ZNF736: variants seen among roughly 807,000 people sequenced by gnomAD.
ZNF736 encodes the protein zinc finger protein 736, also known as KRAB-containing zinc-finger repressor protein.
ZNF736 carries 6 observed loss-of-function variants against 11.7 expected under a neutral mutation model. The observed-to-expected ratio is 0.51, with a 90% confidence interval of 0.28 to 1.01. The LOEUF is 1.01. ZNF736 is among the 50% of genes least tolerant of loss of function. The pLI, the probability that ZNF736 is intolerant of heterozygous loss-of-function variation, is 0.09. For synonymous variants in ZNF736, 139 were observed against 164.7 expected, an observed-to-expected ratio of 0.84 and a Z score of 1.19; for missense variants, 444 against 496.0, an observed-to-expected ratio of 0.90 and a Z score of 1.00.
At position 64,348,213 on chromosome 7, in the gene ZNF736, A is replaced by C. The variant is rs1379330306; in HGVS notation, c.350A>C (p.Tyr117Ser). Reference sequence around the variant, plus strand: ...AATAATTTACATTTAAAGAAAGACTACCAAAGTGTGGGTAATTGCAAGGGG... The same window carrying C: ...AATAATTTACATTTAAAGAAAGACTCCCAAAGTGTGGGTAATTGCAAGGGG... ...DLNNLHLKKDYQSVGNCKGQK... is the reference protein window; with the variant it reads ...DLNNLHLKKDSQSVGNCKGQK... Residue 117 changes from tyrosine (Y) to serine (S), a missense_variant, in exon 4 of 4, where the codon TAC becomes TCC. Coordinates refer to ENST00000423484, the MANE Select transcript of ZNF736 (RefSeq NM_001170905.3). The C allele has an allele frequency of 6.4e-7, 1 of 1,551,846 alleles. No individual in the cohort carries two copies. The highest frequency in any genetic ancestry group is 2.4e-5 in the East Asian group (1 of 40,900).
At chr7:64,316,952 C>T (rs1253024410) in intron 1 of ZNF736, among the ~76,000 whole-genome samples, 1 of 152,166 alleles carries the variant, frequency 6.6e-6, no homozygotes, top group African/African-American at 2.4e-5. Context: ...ATGTCTCTCT[C>T]ATGATGCCTG....
At chr7:64,330,024 G>T (rs993121048) in intron 1 of ZNF736, among the ~76,000 whole-genome samples, 11 of 152,040 alleles carry the variant, frequency 7.2e-5, no homozygotes, top group Non-Finnish European at 1.3e-4. Flanking sequence ...CACTCCCCAT[G>T]GCCACCACCA....
At chr7:64,314,187 G>A (rs1788878299) in intron 1 of ZNF736, 34 bp downstream of exon 1, 2 of 1,551,428 alleles carry the variant, frequency 1.3e-6, no homozygotes, top group East Asian at 2.4e-5. Flanking sequence ...CGAGAATGGG[G>A]AAGAGGCTGT....
Position 64,348,439 on chromosome 7 carries a change from G to A in ZNF736, c.576G>A (p.Lys192=). 6.5e-7 allele frequency: 1 copy of A among 1,549,074 alleles called. No homozygotes were observed. The highest frequency in any genetic ancestry group is 8.7e-7 in the Non-Finnish European group (1 of 1,146,152). Reference sequence around the variant, plus strand: ...TGTTCTCAGATTTTACTAGACATAAGAAAATTCATACTGTAGAGAGATGCT... The same window carrying A: ...TGTTCTCAGATTTTACTAGACATAAAAAAATTCATACTGTAGAGAGATGCT... ...CRLFSDFTRH[K]KIHTVERCYK... The change falls in exon 4 of 4, where the codon AAG becomes AAA. Residue 192 remains lysine (K), a synonymous_variant. Transcript: ENST00000423484.
At chr7:64,318,307 C>T (rs1293303665) in intron 1 of ZNF736, among the ~76,000 whole-genome samples, 2 of 151,920 alleles carry the variant, frequency 1.3e-5, no homozygotes, top group African/African-American at 2.4e-5. Context: ...GAATAGCCAT[C>T]ATTTAATGTA....
At chr7:64,317,289 G>A (rs1788931348) in intron 1 of ZNF736, among the ~76,000 whole-genome samples, 1 of 152,058 alleles carries the variant, frequency 6.6e-6, no homozygotes, top group Admixed American at 6.5e-5. Flanking sequence ...TTTTTTCTAA[G>A]CTTATAAAAA....
chr7:64,350,803 G>GTTTTGTTTTGTT lies in ZNF736; in HGVS notation c.*1657_*1658insTTTGTTTTGTTT, dbSNP rs140828506. 5 of 151,024 alleles carry GTTTTGTTTTGTT rather than the reference G, an allele frequency of 3.3e-5. No homozygotes were observed. Among genetic ancestry groups the GTTTTGTTTTGTT allele is most frequent in the South Asian group, 2.1e-4 (1 of 4,772 alleles). The allele number at this position is 151,024 out of a possible 1,614,324, so 9.4% of individuals were successfully genotyped here. ...GTTTTGTTTTGTTTTGTTTTGTTTG[G>GTTTTGTTTTGTT]TGGTGGTGGTGGGTGGGCAATGCTC... On this transcript the variant is annotated 3_prime_UTR_variant, in exon 4 of 4. Coordinates refer to ENST00000423484, the MANE Select transcript of ZNF736 (RefSeq NM_001170905.3).
In ZNF736 at chr7:64,355,766, CAT is replaced by C. The variant is rs879583143; in HGVS notation, c.*6622_*6623del. The C allele has an allele frequency of 6.3e-6, 1 of 157,612 alleles. No homozygotes were observed. Among genetic ancestry groups the C allele is most frequent in the Non-Finnish European group, 1.4e-5 (1 of 70,452 alleles). 9.8% of individuals were successfully genotyped at this position (157,612 alleles called of 1,614,324 possible). A position where few individuals can be genotyped will look rare whatever the true frequency, so the allele number is the denominator to read the frequency against. On this transcript the variant is annotated 3_prime_UTR_variant, in exon 4 of 4. Coordinates refer to ENST00000423484, the MANE Select transcript of ZNF736 (RefSeq NM_001170905.3). ...TGTGTGATGGAAGAACAAAACCAAA[CAT>C]ATGTTATAACCCAAGGAGATTTTAT...
In ZNF736 at chr7:64,337,755, G is replaced by T. The variant is rs200739683; in HGVS notation, c.226+773G>T. 7.0e-3 allele frequency among the ~76,000 whole-genome samples: 601 copies of T among 86,120 alleles called. 4 individuals are homozygous for T. Among genetic ancestry groups the T allele is most frequent in the African/African-American group, 0.028 (434 of 15,450 alleles). 56.5% of individuals were successfully genotyped at this position (86,120 alleles called of 152,430 possible). Reference sequence around the variant, plus strand: ...TGTTTTGTTTTGTTTTGTTTTTTTTGGTTTTTTTTTTTTTTTGAGACAGAG... The same window carrying T: ...TGTTTTGTTTTGTTTTGTTTTTTTTTGTTTTTTTTTTTTTTTGAGACAGAG... On this transcript the variant is annotated intron_variant, in intron 3 of 3. Transcript: ENST00000423484.
At chr7:64,345,836 T>C (rs2115961801) in intron 3 of ZNF736, among the ~76,000 whole-genome samples, 1 of 151,904 alleles carries the variant, frequency 6.6e-6, no homozygotes, top group Middle Eastern at 3.4e-3. Context: ...ATTTGGACCA[T>C]AAATAATTGT....
At chr7:64,345,111 C>T (rs908597608) in intron 3 of ZNF736, among the ~76,000 whole-genome samples, 1 of 151,616 alleles carries the variant, frequency 6.6e-6, no homozygotes, top group African/African-American at 2.4e-5. Context: ...GCAAGCTCTG[C>T]CTCCCTGGTT....
At chr7:64,316,618 CATTTGTGTTCCAGTCAGCACT>C (rs2115860298) in intron 1 of ZNF736, among the ~76,000 whole-genome samples, 1 of 152,300 alleles carries the variant, frequency 6.6e-6, no homozygotes, top group East Asian at 1.9e-4. Flanking sequence ...GAGTCTAAAA[CATTTGTGTTCCAGTCAGCACT>C]ACTTCTCCCT....
intron 1 of ZNF736, among the ~76,000 whole-genome samples, chr7:64,320,176 G>A (rs1283540316): frequency 5.9e-5 from 9 of 152,166 alleles, no homozygotes; most frequent in Non-Finnish European, 1.3e-4. Flanking sequence ...CAAAAAAATT[G>A]TAGCTCTTCT....
chr7:64,318,219 A>G (rs59375931), intron 1 of ZNF736, among the ~76,000 whole-genome samples: 7,866 of 151,998 alleles, frequency 0.052, 467 homozygotes, highest in East Asian at 0.35. Context: ...AGAAACCAAA[A>G]ATATTTAGCT....
At chr7:64,333,401 C>T (rs978376288) in intron 1 of ZNF736, among the ~76,000 whole-genome samples, 19 of 152,194 alleles carry the variant, frequency 1.2e-4, no homozygotes, top group African/African-American at 4.3e-4. Flanking sequence ...AATGTTTCTT[C>T]TGTGGCTGTC....
intron 1 of ZNF736, among the ~76,000 whole-genome samples, chr7:64,331,276 T>G (rs1459196767): frequency 6.6e-6 from 1 of 152,176 alleles, no homozygotes; most frequent in Non-Finnish European, 1.5e-5. Flanking sequence ...CTAGTCTGAG[T>G]GCTCCCTCTG....
chr7:64,327,455 G>A (rs1437408381), intron 1 of ZNF736, among the ~76,000 whole-genome samples: 1 of 151,940 alleles, frequency 6.6e-6, no homozygotes, highest in Non-Finnish European at 1.5e-5. Flanking sequence ...CGGGTCTTGG[G>A]TTTTTTGTTT....
intron 3 of ZNF736, among the ~76,000 whole-genome samples, chr7:64,343,701 G>C (rs990734124): frequency 5.3e-5 from 8 of 151,924 alleles, no homozygotes; most frequent in African/African-American, 1.7e-4. Flanking sequence ...AATTTTTTTT[G>C]TTAAATTTTG....
chr7:64,346,842 T>C (rs1789416339), intron 3 of ZNF736, among the ~76,000 whole-genome samples: 1 of 152,070 alleles, frequency 6.6e-6, no homozygotes, highest in Non-Finnish European at 1.5e-5. Context: ...TTTTGTTTTT[T>C]TAATTTCCAT....
Sources: allele counts gnomAD v4.1 joint callset (sites outside exome capture counted in the v4.1 genomes callset), GRCh38; gene constraint gnomAD v4.1.1; transcripts MANE v1.5; gene names NCBI Gene and HGNC (gene_info 2026-07-23, HGNC 2026-07-21).